MICU1: variants seen among roughly 807,000 people sequenced by gnomAD.
The protein encoded by MICU1 is calcium uptake protein 1, mitochondrial.
MICU1 carries 45 observed loss-of-function variants against 56.8 expected under a neutral mutation model. The observed-to-expected ratio is 0.79, with a 90% CI of 0.62 to 1.02. MICU1 has a LOEUF of 1.02. Among genes scored for constraint, MICU1 ranks in the 50% least tolerant of loss-of-function variants. MICU1 has a pLI of 0.00. For missense variants in MICU1, 504 were observed against 587.1 expected (o/e 0.86, Z 1.46); for synonymous variants, 186 against 195.1 (o/e 0.95, Z 0.39).
At chr10:72,496,348 C>T (rs925134384) in intron 6 of MICU1, among the ~76,000 whole-genome samples, 1 of 147,998 alleles carries the variant, frequency 6.8e-6, no homozygotes, top group African/African-American at 2.5e-5. Flanking sequence ...GACGCCCAGG[C>T]TGGAGTGCAA....
At chr10:72,408,860 C>T (rs937865568) in intron 9 of MICU1, among the ~76,000 whole-genome samples, 15 of 152,258 alleles carry the variant, frequency 9.9e-5, no homozygotes, top group Middle Eastern at 3.4e-3. Context: ...ATGGGGAAGC[C>T]GTTCATTATC....
At chr10:72,558,672 G>A (rs961175513) in intron 3 of MICU1, among the ~76,000 whole-genome samples, 3 of 152,094 alleles carry the variant, frequency 2.0e-5, no homozygotes, top group African/African-American at 7.2e-5. Context: ...ATGAAGCACA[G>A]AGCTATGAAT....
chr10:72,489,724 T>C (rs1194691955), intron 6 of MICU1, among the ~76,000 whole-genome samples: 3 of 152,206 alleles, frequency 2.0e-5, no homozygotes, highest in Admixed American at 1.3e-4. Context: ...CCTGTATGTT[T>C]TTCTAATAAT....
At chr10:72,512,269 TCTGG>T (rs1425365705) in intron 5 of MICU1, among the ~76,000 whole-genome samples, 1 of 151,576 alleles carries the variant, frequency 6.6e-6, no homozygotes, top group Non-Finnish European at 1.5e-5. Context: ...CGCCACCACG[TCTGG>T]CTAATTTTTT....
chr10:72,380,092 A>G (rs1050827373), intron 10 of MICU1, among the ~76,000 whole-genome samples: 2 of 152,094 alleles, frequency 1.3e-5, no homozygotes, highest in African/African-American at 4.8e-5. Context: ...TCCAGTCATA[A>G]TCACAGCAAG....
intron 1 of MICU1, among the ~76,000 whole-genome samples, chr10:72,567,240 G>C (rs1840463283): frequency 6.6e-6 from 1 of 151,982 alleles, no homozygotes; most frequent in Non-Finnish European, 1.5e-5. Flanking sequence ...GCTATTCAGG[G>C]GGCTGAGGTG....
intron 1 of MICU1, among the ~76,000 whole-genome samples, chr10:72,588,531 C>T (rs1841130285): frequency 1.3e-5 from 2 of 152,202 alleles, no homozygotes; most frequent in Admixed American, 1.3e-4. Flanking sequence ...ATTTCCACCA[C>T]TGTTCAACAT....
At chr10:72,596,111 C>CGGG in intron 1 of MICU1, among the ~76,000 whole-genome samples, 3 of 151,632 alleles carry the variant, frequency 2.0e-5, no homozygotes, top group Admixed American at 2.0e-4. Context: ...TCAGCCTCCC[C>CGGG]AGTAGCTGGG....
intron 1 of MICU1, among the ~76,000 whole-genome samples, chr10:72,575,938 G>A (rs1840730207): frequency 6.6e-6 from 1 of 152,188 alleles, no homozygotes; most frequent in Non-Finnish European, 1.5e-5. Flanking sequence ...AGTGGGCCGG[G>A]CGCGGTGGCT....
chr10:72,535,026 T>TTTTATTTTA (rs1839595646), intron 4 of MICU1, among the ~76,000 whole-genome samples: 23 of 134,768 alleles, frequency 1.7e-4, no homozygotes, highest in African/African-American at 7.2e-4. Context: ...TTTTATTTTA[T>TTTTATTTTA]TTTATTTTAT....
At chr10:72,533,641 G>C (rs963644690) in intron 5 of MICU1, 105 bp downstream of exon 5, 2 of 825,300 alleles carry the variant, frequency 2.4e-6, no homozygotes, top group Admixed American at 2.8e-5. Flanking sequence ...CTTTTGGTAA[G>C]ATAAACAGGT....
intron 1 of MICU1, among the ~76,000 whole-genome samples, chr10:72,621,711 T>C (rs1209433908): frequency 6.6e-6 from 1 of 152,124 alleles, no homozygotes; most frequent in African/African-American, 2.4e-5. Context: ...GGCTAATACA[T>C]AATATATTTA....
intron 10 of MICU1, among the ~76,000 whole-genome samples, chr10:72,396,860 T>G (rs1490225955): frequency 1.3e-5 from 2 of 152,190 alleles, no homozygotes; most frequent in Non-Finnish European, 2.9e-5. Context: ...GAAAACACTC[T>G]TCAGGATATT....
chr10:72,471,234 G>A (rs1009350559), intron 8 of MICU1, among the ~76,000 whole-genome samples: 4 of 152,210 alleles, frequency 2.6e-5, no homozygotes, highest in Middle Eastern at 3.4e-3. Flanking sequence ...ACAGGCACGC[G>A]CCACCATGCC....
At chr10:72,475,423 T>C (rs1452606190) in intron 7 of MICU1, 126 bp from the exon 8 acceptor site, 4 of 922,192 alleles carry the variant, frequency 4.3e-6, no homozygotes, top group East Asian at 2.7e-5. Flanking sequence ...TCTCTTTTAA[T>C]GCTTACAACA....
intron 1 of MICU1, among the ~76,000 whole-genome samples, chr10:72,590,154 A>G (rs772195956): frequency 6.6e-6 from 1 of 152,188 alleles, no homozygotes; most frequent in Non-Finnish European, 1.5e-5. Context: ...CGTACTGTCT[A>G]TAACAGACTC....
chr10:72,451,779 G>C (rs972641971), intron 8 of MICU1, among the ~76,000 whole-genome samples: 2 of 152,144 alleles, frequency 1.3e-5, no homozygotes, highest in African/African-American at 4.8e-5. Flanking sequence ...CTGGCTTCAA[G>C]GAATCCTCCT....
At chr10:72,448,835 C>T (rs1190532382) in intron 8 of MICU1, among the ~76,000 whole-genome samples, 2 of 152,132 alleles carry the variant, frequency 1.3e-5, no homozygotes, top group Admixed American at 6.5e-5. Context: ...TAAAAAACAG[C>T]CAGGGAGAAA....
At chr10:72,548,701 C>A (rs1480092809) in intron 4 of MICU1, among the ~76,000 whole-genome samples, 2 of 152,164 alleles carry the variant, frequency 1.3e-5, no homozygotes, top group African/African-American at 4.8e-5. Context: ...ATTTCTATCT[C>A]TCTCTCTCTT....
Sources: allele counts gnomAD v4.1 joint callset (sites outside exome capture counted in the v4.1 genomes callset), GRCh38; gene constraint gnomAD v4.1.1; transcripts MANE v1.5; gene names NCBI Gene and HGNC (gene_info 2026-07-23, HGNC 2026-07-21).